Variants in PTPRN2 observed in about 807,000 individuals in gnomAD.
PTPRN2 encodes receptor-type tyrosine-protein phosphatase N2.
PTPRN2 carries 74 observed loss-of-function variants against 118.8 expected under a neutral mutation model. The ratio of observed to expected loss-of-function variants is 0.62; its 90% CI spans 0.52 to 0.76. The LOEUF (loss-of-function observed/expected upper bound fraction) is 0.76. PTPRN2 is among the 30% of genes least tolerant of loss of function. The pLI is 0.00. For missense variants in PTPRN2, 1,481 were observed against 1,394.4 expected (o/e 1.06, Z -0.99); for synonymous variants, 641 against 608.0 (o/e 1.05, Z -0.80).
intron 5 of PTPRN2, among the ~76,000 whole-genome samples, chr7:158,171,628 A>T (rs1823710667): frequency 6.6e-6 from 1 of 151,966 alleles, no homozygotes; most frequent in Admixed American, 6.6e-5. Context: ...TGGGATTACA[A>T]GCGTGAGCCA....
chr7:158,337,123 C>A (rs1373954661), intron 2 of PTPRN2, among the ~76,000 whole-genome samples: 2 of 152,084 alleles, frequency 1.3e-5, no homozygotes, highest in South Asian at 2.1e-4. Flanking sequence ...CTGAGGCCCA[C>A]AGAGGTCACT....
At chr7:157,657,061 C>T (rs1795527561) in intron 13 of PTPRN2, among the ~76,000 whole-genome samples, 1 of 140,482 alleles carries the variant, frequency 7.1e-6, no homozygotes, top group Non-Finnish European at 1.5e-5. Context: ...ACACCACACA[C>T]ACCACACACG....
chr7:158,304,776 C>T (rs1421037213), intron 3 of PTPRN2, among the ~76,000 whole-genome samples: 1 of 152,098 alleles, frequency 6.6e-6, no homozygotes, highest in South Asian at 2.1e-4. Flanking sequence ...GCAGATGAAG[C>T]CTCCAGGTTG....
intron 10 of PTPRN2, among the ~76,000 whole-genome samples, chr7:158,100,365 G>A (rs1481116453): frequency 1.3e-5 from 2 of 152,038 alleles, no homozygotes; most frequent in African/African-American, 4.8e-5. Context: ...TGCTATAAAC[G>A]TGTGTGCAAA....
intron 6 of PTPRN2, among the ~76,000 whole-genome samples, chr7:158,160,201 T>A (rs1413413610): frequency 6.6e-6 from 1 of 152,172 alleles, no homozygotes; most frequent in African/African-American, 2.4e-5. Flanking sequence ...AGAAATCCAG[T>A]AAAGCTTCAT....
At chr7:158,377,604 C>G (rs1810646985) in intron 2 of PTPRN2, among the ~76,000 whole-genome samples, 1 of 152,144 alleles carries the variant, frequency 6.6e-6, no homozygotes, top group African/African-American at 2.4e-5. Context: ...CACAATTTTC[C>G]CGGGACTCAG....
At chr7:158,223,397 C>T (rs1045805209) in intron 3 of PTPRN2, among the ~76,000 whole-genome samples, 3 of 152,074 alleles carry the variant, frequency 2.0e-5, no homozygotes, top group African/African-American at 7.2e-5. Context: ...AAATCCCTCA[C>T]AAATGTAGAC....
At chr7:157,595,435 G>C in intron 16 of PTPRN2, 120 bp from the exon 17 acceptor site, 1 of 884,590 alleles carries the variant, frequency 1.1e-6, no homozygotes, top group Non-Finnish European at 1.8e-6. Flanking sequence ...AAGCCAGGAC[G>C]TTAAGAAACC....
At chr7:158,125,420 T>C (rs1432256997) in intron 9 of PTPRN2, among the ~76,000 whole-genome samples, 4 of 152,002 alleles carry the variant, frequency 2.6e-5, no homozygotes, top group Non-Finnish European at 4.4e-5. Flanking sequence ...CCCAGCAGGA[T>C]GGGCTGGACT....
intron 2 of PTPRN2, among the ~76,000 whole-genome samples, chr7:158,391,881 A>G (rs1017929067): frequency 1.1e-4 from 17 of 152,204 alleles, no homozygotes; most frequent in African/African-American, 4.1e-4. Context: ...CCAGAATTTA[A>G]AAGCAAACAG....
rs114283283 is a variant in PTPRN2, at chr7:157,779,456, A to G, written c.1789-96519T>C. On this transcript the variant is annotated intron_variant, in intron 12 of 22. Coordinates refer to ENST00000389418, the MANE Select transcript of PTPRN2 (RefSeq NM_002847.5). The surrounding 1 kb of genome is among the most constrained non-coding windows in gnomAD (Gnocchi z 4.7). Reference sequence around the variant, plus strand: ...GCCCACCCGCTGCCCCTCACCACACACTGCTGCACTGTGCTCCACATCCTG... The same window carrying G: ...GCCCACCCGCTGCCCCTCACCACACGCTGCTGCACTGTGCTCCACATCCTG... Among the ~76,000 whole-genome samples, 2,344 of 152,050 alleles carry G rather than the reference A, an allele frequency of 0.015. 63 individuals are homozygous for G. The highest frequency in any genetic ancestry group is 0.053 in the African/African-American group (2,216 of 41,474).
intron 11 of PTPRN2, among the ~76,000 whole-genome samples, chr7:157,941,120 G>A (rs867364424): frequency 1.3e-3 from 10 of 7,604 alleles, no homozygotes; most frequent in African/African-American, 4.4e-3. Context: ...ACCCTCCCCC[G>A]TGACACTGCA....
intron 12 of PTPRN2, among the ~76,000 whole-genome samples, chr7:157,717,325 C>T (rs1798973521): frequency 1.3e-5 from 2 of 152,258 alleles, no homozygotes; most frequent in African/African-American, 4.8e-5. Context: ...TCTGGGGCAA[C>T]AGCCTGATGG....
chr7:157,557,164 C>T (rs553782214), intron 21 of PTPRN2, among the ~76,000 whole-genome samples: 2 of 151,062 alleles, frequency 1.3e-5, no homozygotes, highest in Admixed American at 1.3e-4. Flanking sequence ...TGCATGCACA[C>T]ATATATACAC....
At chr7:158,573,940 TA>T (rs1286945384) in intron 1 of PTPRN2, among the ~76,000 whole-genome samples, 1 of 152,300 alleles carries the variant, frequency 6.6e-6, no homozygotes, top group African/African-American at 2.4e-5. Context: ...ATTTTAACTA[TA>T]CGTAATCCAG....
At chr7:157,829,037 C>T (rs78361075) in intron 12 of PTPRN2, among the ~76,000 whole-genome samples, 4,771 of 152,362 alleles carry the variant, frequency 0.031, 201 homozygotes, top group South Asian at 0.12. Context: ...TTCAAATGCA[C>T]TTGGAGTTCT....
At chr7:157,832,018 C>T (rs9654705) in intron 12 of PTPRN2, among the ~76,000 whole-genome samples, 20,252 of 152,122 alleles carry the variant, frequency 0.13, 2,630 homozygotes, top group African/African-American at 0.33. Flanking sequence ...GGGGTCCTCC[C>T]GGAGCACCTG....
chr7:158,184,784 G>A (rs1825003998), intron 5 of PTPRN2, among the ~76,000 whole-genome samples: 1 of 152,054 alleles, frequency 6.6e-6, no homozygotes, highest in Admixed American at 6.6e-5. Flanking sequence ...CTGCACTCCA[G>A]CCTGGGCAAG....
chr7:157,930,939 G>A (rs866248476), intron 11 of PTPRN2, among the ~76,000 whole-genome samples: 8 of 151,882 alleles, frequency 5.3e-5, no homozygotes, highest in South Asian at 4.2e-4. Flanking sequence ...CCAGCTTCCC[G>A]CTGTAGCAGC....
Sources: allele counts gnomAD v4.1 joint callset (sites outside exome capture counted in the v4.1 genomes callset), GRCh38; gene constraint gnomAD v4.1.1; non-coding constraint Gnocchi (gnomAD v3.1); transcripts MANE v1.5; gene names NCBI Gene and HGNC (gene_info 2026-07-23, HGNC 2026-07-21).